Variants in PTPRN2 observed in about 807,000 individuals in gnomAD.
PTPRN2 encodes the protein protein tyrosine phosphatase receptor type N2.
A neutral mutation model predicts 118.8 loss-of-function variants in PTPRN2; 74 were observed. That is an observed-to-expected ratio of 0.62 (90% CI 0.52 to 0.76). The LOEUF is 0.76. Ranked by LOEUF, PTPRN2 falls within the 30% of genes least tolerant of loss-of-function variation. The probability of loss-of-function intolerance (pLI) is 0.00; values close to 1 mark genes in which losing one functional copy is unlikely to be tolerated. For missense variants in PTPRN2, 1,481 were observed against 1,394.4 expected, an observed-to-expected ratio of 1.06 and a Z score of -0.99; for synonymous variants, 641 against 608.0, an observed-to-expected ratio of 1.05 and a Z score of -0.80.
At chr7:157,558,674 C>G (rs1799026507) in intron 21 of PTPRN2, among the ~76,000 whole-genome samples, 1 of 152,236 alleles carries the variant, frequency 6.6e-6, no homozygotes, top group Non-Finnish European at 1.5e-5. Context: ...CAGCCAGCTC[C>G]CCTCCCAGGC....
intron 14 of PTPRN2, among the ~76,000 whole-genome samples, chr7:157,624,100 GTTAT>G (rs1803424817): frequency 6.6e-6 from 1 of 152,064 alleles, no homozygotes; most frequent in Admixed American, 6.6e-5. Context: ...CTTATGATGG[GTTAT>G]GGCCCAAGAA....
intron 12 of PTPRN2, among the ~76,000 whole-genome samples, chr7:157,768,470 G>A (rs146364237): frequency 1.3e-5 from 2 of 152,244 alleles, no homozygotes; most frequent in South Asian, 2.1e-4. Context: ...CTGGCCTCCC[G>A]TTCCCATATC....
chr7:157,860,876 T>C (rs890268365), intron 12 of PTPRN2, among the ~76,000 whole-genome samples: 2 of 152,264 alleles, frequency 1.3e-5, no homozygotes, highest in Non-Finnish European at 2.9e-5. Flanking sequence ...GGTGCATTTC[T>C]ATTTCTAGTT....
intron 11 of PTPRN2, among the ~76,000 whole-genome samples, chr7:158,071,386 TGGTG>T (rs1276329846): frequency 1.1e-4 from 12 of 113,248 alleles, no homozygotes; most frequent in African/African-American, 3.1e-4. Context: ...GAGGTGCTCG[TGGTG>T]GAGGTGCTCG....
In PTPRN2 at chr7:157,949,582, G is replaced by C. The variant is rs149900662; in HGVS notation, c.1724-50845C>G. On this transcript the variant is annotated intron_variant, in intron 11 of 22. Coordinates refer to ENST00000389418, the MANE Select transcript of PTPRN2 (RefSeq NM_002847.5). Reference sequence around the variant, plus strand: ...TGGCGGCTGAGTCAATGCCATGCTTGCTGCAGGACAGCCTGCCCAGGCCAT... The same window carrying C: ...TGGCGGCTGAGTCAATGCCATGCTTCCTGCAGGACAGCCTGCCCAGGCCAT... Among the ~76,000 whole-genome samples, 715 of 152,354 alleles carry C rather than the reference G, an allele frequency of 4.7e-3. 8 individuals are homozygous for C. Among genetic ancestry groups the C allele is most frequent in the African/African-American group, 0.016 (686 of 41,578 alleles).
rs1802677513 is a variant in PTPRN2, at chr7:157,615,167, TG to T, written c.2344+6194del. Among the ~76,000 whole-genome samples, 1 of 152,160 alleles carries T rather than the reference TG, an allele frequency of 6.6e-6. No individual in the cohort carries two copies. The highest frequency in any genetic ancestry group is 1.5e-5 in the Non-Finnish European group (1 of 68,012). ...ACACTGGGCGGCTGGCCAGCGTGGGTGGTGGGTGTGCAGGCGATGCCACGCT... is the reference window on the plus strand; with the variant it reads ...ACACTGGGCGGCTGGCCAGCGTGGGTGTGGGTGTGCAGGCGATGCCACGCT... On this transcript the variant is annotated intron_variant, in intron 15 of 22. Transcript: ENST00000389418. This position sits in a 1 kb window ranked among gnomAD's most constrained non-coding sequence, Gnocchi z 4.3.
At chr7:157,709,519 C>G (rs1419996744) in intron 12 of PTPRN2, among the ~76,000 whole-genome samples, 2 of 152,134 alleles carry the variant, frequency 1.3e-5, no homozygotes, top group African/African-American at 4.8e-5. Context: ...AGGCCGGGGA[C>G]CCTCCTTCCC....
At chr7:158,150,608 C>T (rs1022787036) in intron 6 of PTPRN2, among the ~76,000 whole-genome samples, 2 of 152,134 alleles carry the variant, frequency 1.3e-5, no homozygotes, top group African/African-American at 4.8e-5. Flanking sequence ...ACCTTTTCTC[C>T]TTAAGATCTC....
intron 19 of PTPRN2, chr7:157,574,552 C>T (rs1799922673): frequency 6.9e-6 from 2 of 291,746 alleles, no homozygotes; most frequent in African/African-American, 4.3e-5. Flanking sequence ...AAAGCAAAGC[C>T]CTCACATGTG....
chr7:157,960,835 C>T (rs922849926), intron 11 of PTPRN2, among the ~76,000 whole-genome samples: 2 of 151,814 alleles, frequency 1.3e-5, no homozygotes, highest in Admixed American at 6.5e-5. Flanking sequence ...AGCAAAACCC[C>T]GTCTCTACTA....
chr7:158,155,673 C>A (rs570739751), intron 6 of PTPRN2, among the ~76,000 whole-genome samples: 1 of 126,824 alleles, frequency 7.9e-6, no homozygotes, highest in African/African-American at 3.1e-5. Flanking sequence ...ATCACCAGTG[C>A]CATCATCACC....
At chr7:157,923,438 CT>C (rs1798800128) in intron 11 of PTPRN2, among the ~76,000 whole-genome samples, 1 of 152,242 alleles carries the variant, frequency 6.6e-6, no homozygotes, top group Admixed American at 6.5e-5. Flanking sequence ...GAGGGGAGCT[CT>C]TTCCCCTCGC....
At chr7:158,101,512 T>C (rs931905283) in intron 10 of PTPRN2, among the ~76,000 whole-genome samples, 3 of 152,132 alleles carry the variant, frequency 2.0e-5, no homozygotes, top group African/African-American at 7.2e-5. Context: ...AAAACAATGA[T>C]AAATAGCTGG....
chr7:158,231,976 G>A (rs1369786753), intron 3 of PTPRN2, among the ~76,000 whole-genome samples: 1 of 152,028 alleles, frequency 6.6e-6, no homozygotes, highest in East Asian at 1.9e-4. Flanking sequence ...ATACTAAGAG[G>A]CAAGTGTATA....
rs565567224 is a variant in PTPRN2 at position 157,674,132 on chromosome 7, G to A, written c.2001+8593C>T. Among the ~76,000 whole-genome samples the A allele has an allele frequency of 5.9e-5, 9 of 152,244 alleles. No homozygotes were observed. The East Asian group carries it at 7.7e-4, about 13-fold the overall frequency. ...CAATCACAGCTCTGGGGACCCCCAC[G>A]TGTCAGCCATGGCAAAATGAACCCC... On this transcript the variant is annotated intron_variant, in intron 13 of 22. Coordinates refer to ENST00000389418, the MANE Select transcript of PTPRN2 (RefSeq NM_002847.5). This position sits in a 1 kb window ranked among gnomAD's most constrained non-coding sequence, Gnocchi z 4.5.
chr7:157,732,797 TCCG>T (rs1800020488), intron 12 of PTPRN2, among the ~76,000 whole-genome samples: 2 of 11,894 alleles, frequency 1.7e-4, no homozygotes, highest in Admixed American at 7.3e-4. Context: ...CAGTTACTCT[TCCG>T]TCCCACGCGC....
chr7:158,124,567 G>C (rs533297132), intron 9 of PTPRN2, among the ~76,000 whole-genome samples: 1 of 152,376 alleles, frequency 6.6e-6, no homozygotes, highest in South Asian at 2.1e-4. Context: ...TCAGAGTCTT[G>C]AAGAAACATA....
intron 12 of PTPRN2, among the ~76,000 whole-genome samples, chr7:157,816,691 C>G (rs1011395918): frequency 6.6e-6 from 1 of 152,218 alleles, no homozygotes; most frequent in Non-Finnish European, 1.5e-5. Context: ...GAAAAGCAGG[C>G]AGGCTGGCAT....
intron 12 of PTPRN2, among the ~76,000 whole-genome samples, chr7:157,812,186 G>A (rs913057529): frequency 3.3e-5 from 5 of 152,174 alleles, no homozygotes; most frequent in East Asian, 1.9e-4. Flanking sequence ...CCCCAACATC[G>A]CAGCCCCTTT....
Sources: allele counts gnomAD v4.1 joint callset (sites outside exome capture counted in the v4.1 genomes callset), GRCh38; gene constraint gnomAD v4.1.1; non-coding constraint Gnocchi (gnomAD v3.1); transcripts MANE v1.5; gene names NCBI Gene and HGNC (gene_info 2026-07-23, HGNC 2026-07-21).